The following CADPS2 variants were observed in gnomAD, a reference collection of about 807,000 sequenced individuals.
The protein encoded by CADPS2 is calcium dependent secretion activator 2.
In CADPS2, 93 loss-of-function variants were observed where a neutral mutation model predicts 172.5. The ratio of observed to expected loss-of-function variants is 0.54; its 90% CI spans 0.46 to 0.64. The LOEUF is 0.64. Among genes scored for constraint, CADPS2 ranks in the 30% least tolerant of loss-of-function variants. The probability of loss-of-function intolerance (pLI) is 0.00; values close to 1 mark genes in which losing one functional copy is unlikely to be tolerated. For synonymous variants in CADPS2, 546 were observed against 555.2 expected, an observed-to-expected ratio of 0.98 and a Z score of 0.23; for missense variants, 1,420 against 1,565.9, an observed-to-expected ratio of 0.91 and a Z score of 1.57.
intron 15 of CADPS2, among the ~76,000 whole-genome samples, chr7:122,446,904 C>T (rs1383815013): frequency 1.3e-5 from 2 of 152,244 alleles, no homozygotes; most frequent in Non-Finnish European, 2.9e-5. Context: ...TCAGGAATCA[C>T]TTTCATTGCT....
intron 1 of CADPS2, among the ~76,000 whole-genome samples, chr7:122,753,888 CTTT>C (rs925300045): frequency 6.7e-6 from 1 of 150,006 alleles, no homozygotes; most frequent in Non-Finnish European, 1.5e-5. Context: ...TCACCAAAAA[CTTT>C]TTTTTTTCCC....
At chr7:122,495,366 T>C (rs2058652620) in intron 9 of CADPS2, among the ~76,000 whole-genome samples, 1 of 152,174 alleles carries the variant, frequency 6.6e-6, no homozygotes, top group Non-Finnish European at 1.5e-5. Context: ...TTCCATGACG[T>C]TTTGAAATGT....
At chr7:122,745,526 T>C (rs976688475) in intron 1 of CADPS2, among the ~76,000 whole-genome samples, 1 of 151,580 alleles carries the variant, frequency 6.6e-6, no homozygotes, top group Non-Finnish European at 1.5e-5. Context: ...GTATACAGCT[T>C]GTAGGCATTT....
intron 17 of CADPS2, among the ~76,000 whole-genome samples, chr7:122,437,532 T>C (rs2050781937): frequency 6.6e-6 from 1 of 152,140 alleles, no homozygotes; most frequent in Non-Finnish European, 1.5e-5. Flanking sequence ...TATTTACTTT[T>C]ATTTTCAGGT....
At position 122,318,775 on chromosome 7, in the gene CADPS2, T is replaced by A. The variant is rs2031808842; in HGVS notation, c.*1390A>T. 1 of 152,188 alleles carries A rather than the reference T, an allele frequency of 6.6e-6. No individual in the cohort carries two copies. Among genetic ancestry groups the A allele is most frequent in the Admixed American group, 6.5e-5 (1 of 15,274 alleles). 9.4% of individuals were successfully genotyped at this position (152,188 alleles called of 1,614,324 possible). On this transcript the variant is annotated 3_prime_UTR_variant, in exon 30 of 30. Transcript: ENST00000449022. The stretch of plus-strand genomic sequence containing the variant: ...TGTAGATTAAATAGATTTTTAAGGC[T>A]AGTCTAGGTACCTAACGACCACTTA...
At chr7:122,524,683 G>A (rs2061064485) in intron 8 of CADPS2, among the ~76,000 whole-genome samples, 1 of 152,174 alleles carries the variant, frequency 6.6e-6, no homozygotes, top group African/African-American at 2.4e-5. Flanking sequence ...TAACAGTCAT[G>A]TTCTCTAGCA....
intron 1 of CADPS2, among the ~76,000 whole-genome samples, chr7:122,806,915 C>T (rs942525516): frequency 1.3e-5 from 2 of 152,178 alleles, no homozygotes; most frequent in African/African-American, 2.4e-5. Context: ...TGACAACTAT[C>T]AATCTATTGC....
chr7:122,838,833 C>A lies in CADPS2; in HGVS notation c.339+47166G>T, dbSNP rs186171045. Among the ~76,000 whole-genome samples, 409 of 152,254 alleles carry A rather than the reference C, an allele frequency of 2.7e-3. 2 individuals are homozygous for A. The highest frequency in any genetic ancestry group is 4.1e-3 in the Non-Finnish European group (280 of 68,026). On this transcript the variant is annotated intron_variant, in intron 1 of 29. Coordinates refer to ENST00000449022, the MANE Select transcript of CADPS2 (RefSeq NM_017954.11). ...GCTCATGGATAGGAAGAATCAATAT[C>A]GTGAAAACGGTCATACTGCCCAAGG...
At chr7:122,571,806 C>T (rs1228739428) in intron 7 of CADPS2, among the ~76,000 whole-genome samples, 5 of 152,010 alleles carry the variant, frequency 3.3e-5, no homozygotes, top group Non-Finnish European at 4.4e-5. Flanking sequence ...AACTGGACCA[C>T]GGAATTAAAA....
rs1432100159 is a variant in CADPS2 at position 122,466,208 on chromosome 7, C to T, written c.2186+5167G>A. ...AATTTCCTTTGCCTTGTCTCTTCCTCAGACCTTCAGCAGGCTGTTTTATTT... is the reference window on the plus strand; with the variant it reads ...AATTTCCTTTGCCTTGTCTCTTCCTTAGACCTTCAGCAGGCTGTTTTATTT... On this transcript the variant is annotated intron_variant, in intron 14 of 29. Transcript: ENST00000449022. 5.3e-5 allele frequency among the ~76,000 whole-genome samples: 8 copies of T among 152,322 alleles called. No individual in the cohort carries two copies. In the East Asian group the frequency reaches 1.4e-3, roughly 26 times the overall value.
intron 9 of CADPS2, among the ~76,000 whole-genome samples, chr7:122,512,941 C>T (rs576797082): frequency 1.3e-5 from 2 of 152,182 alleles, no homozygotes; most frequent in African/African-American, 4.8e-5. Context: ...TACATTTTAT[C>T]TGATATTGCA....
intron 6 of CADPS2, 71 bp downstream of exon 6, chr7:122,615,110 C>A: frequency 2.2e-6 from 2 of 915,246 alleles, no homozygotes; most frequent in South Asian, 1.7e-5. Flanking sequence ...TGCACATAAA[C>A]AGAGCATGTT....
intron 3 of CADPS2, among the ~76,000 whole-genome samples, chr7:122,641,862 T>TA (rs758278861): frequency 0.021 from 2,952 of 143,362 alleles, 68 homozygotes; most frequent in African/African-American, 0.052. Flanking sequence ...TATGTTACGT[T>TA]AAAAAAAAAA....
At chr7:122,508,449 G>GTT (rs1205155217) in intron 9 of CADPS2, among the ~76,000 whole-genome samples, 1,059 of 68,404 alleles carry the variant, frequency 0.015, 200 homozygotes, top group Non-Finnish European at 0.024. Flanking sequence ...ATTCATTTAA[G>GTT]TTTTTTTTTT....
chr7:122,634,636 G>A (rs1445947558), intron 3 of CADPS2, among the ~76,000 whole-genome samples: 1 of 152,100 alleles, frequency 6.6e-6, no homozygotes, highest in South Asian at 2.1e-4. Flanking sequence ...TTAATTTTTT[G>A]TATGAACTTT....
At chr7:122,730,106 G>T (rs1285947661) in intron 2 of CADPS2, among the ~76,000 whole-genome samples, 2 of 151,646 alleles carry the variant, frequency 1.3e-5, no homozygotes, top group South Asian at 2.1e-4. Context: ...ATAACAGAGG[G>T]TTAAGCATCT....
rs773546954 is a variant in CADPS2, at chr7:122,702,031, T to G, written c.453+34924A>C. 196 of 1,613,572 alleles carry G rather than the reference T, an allele frequency of 1.2e-4. No individual in the cohort carries two copies. The highest frequency in any genetic ancestry group is 1.5e-4 in the Non-Finnish European group (181 of 1,179,744). On this transcript the variant is annotated intron_variant, in intron 2 of 29. Coordinates refer to ENST00000449022, the MANE Select transcript of CADPS2 (RefSeq NM_017954.11). Reference sequence around the variant, plus strand: ...CATCCCCTTCTTTGAGAACTCGCAGTTGAAGCTGGTCAATAGCTTTCTTCA... The same window carrying G: ...CATCCCCTTCTTTGAGAACTCGCAGGTGAAGCTGGTCAATAGCTTTCTTCA...
chr7:122,438,766 C>A (rs1355516082), intron 16 of CADPS2, among the ~76,000 whole-genome samples: 1 of 151,976 alleles, frequency 6.6e-6, no homozygotes, highest in Non-Finnish European at 1.5e-5. Context: ...TTCCAGGGAC[C>A]CATGACACCA....
chr7:122,364,431 A>AG (rs2040586150), intron 25 of CADPS2, among the ~76,000 whole-genome samples: 3 of 150,686 alleles, frequency 2.0e-5, no homozygotes, highest in South Asian at 4.2e-4. Context: ...AAAAAAAAAA[A>AG]AAAAAAAGAA....
Sources: allele counts gnomAD v4.1 joint callset (sites outside exome capture counted in the v4.1 genomes callset), GRCh38; gene constraint gnomAD v4.1.1; transcripts MANE v1.5; gene names NCBI Gene and HGNC (gene_info 2026-07-23, HGNC 2026-07-21).